Variants in VCAN observed in about 807,000 individuals in gnomAD.
VCAN encodes the protein versican.
In VCAN, 44 loss-of-function variants were observed where a neutral mutation model predicts 245.5. The ratio of observed to expected loss-of-function variants is 0.18; its 90% CI spans 0.14 to 0.23. The LOEUF is 0.23. Among genes scored for constraint, VCAN ranks in the 10% least tolerant of loss-of-function variants. The probability of loss-of-function intolerance (pLI) is 1.00; values close to 1 mark genes in which losing one functional copy is unlikely to be tolerated. For synonymous variants in VCAN, 1,413 were observed against 1,437.0 expected, an observed-to-expected ratio of 0.98 and a Z score of 0.38; for missense variants, 3,793 against 4,057.9, an observed-to-expected ratio of 0.93 and a Z score of 1.77.
chr5:83,541,328 C>T lies in VCAN; in HGVS notation c.8325C>T (p.Asp2775=), dbSNP rs1482057937. ...CAGGAGCTGAGGAGGCATTAGTAGA[C>T]CATACTCCCTATCTAAGTATTGCTA... ...FSSGAEEALV[D]HTPYLSIATT... is the part of the protein sequence containing the mutation. The change falls in exon 8 of 15, where the codon GAC becomes GAT. Residue 2775 remains aspartate, a synonymous_variant. Coordinates refer to ENST00000265077, the MANE Select transcript of VCAN (RefSeq NM_004385.5). The T allele has an allele frequency of 1.9e-6, 3 of 1,613,944 alleles. No individual in the cohort carries two copies. Among genetic ancestry groups the T allele is most frequent in the East Asian group, 4.5e-5 (2 of 44,872 alleles).
chr5:83,493,060 T>C (rs1270243295), intron 3 of VCAN, among the ~76,000 whole-genome samples: 1 of 152,238 alleles, frequency 6.6e-6, no homozygotes, highest in African/African-American at 2.4e-5. Context: ...TATCTCATTG[T>C]TTTACATTTG....
At chr5:83,508,503 T>C (rs992860212) in intron 5 of VCAN, among the ~76,000 whole-genome samples, 1 of 152,196 alleles carries the variant, frequency 6.6e-6, no homozygotes, top group Non-Finnish European at 1.5e-5. Flanking sequence ...CTCAATTCTA[T>C]AGTGTAAATG....
chr5:83,498,861 A>G (rs911832732), intron 5 of VCAN, among the ~76,000 whole-genome samples: 2 of 152,180 alleles, frequency 1.3e-5, no homozygotes, highest in African/African-American at 4.8e-5. Flanking sequence ...CACCATTGCC[A>G]TGTAATTCTC....
intron 2 of VCAN, among the ~76,000 whole-genome samples, chr5:83,486,253 A>C (rs1035909655): frequency 6.6e-6 from 1 of 152,226 alleles, no homozygotes; most frequent in Non-Finnish European, 1.5e-5. Context: ...TTTCTTCCCA[A>C]GTAGGCTACT....
In VCAN at chr5:83,538,008, A is replaced by C. The variant is rs749357523; in HGVS notation, c.5005A>C (p.Ile1669Leu). 6.2e-7 allele frequency: 1 copy of C among 1,613,964 alleles called. No individual in the cohort carries two copies. The highest frequency in any genetic ancestry group is 8.5e-7 in the Non-Finnish European group (1 of 1,179,958). ...LSQRNTTDTL[I>L]TLDTSRIITE... Reference sequence around the variant, plus strand: ...ACAGAGAAATACTACTGATACACTCATTACTTTAGACACTAGCAGGATAAT... The same window carrying C: ...ACAGAGAAATACTACTGATACACTCCTTACTTTAGACACTAGCAGGATAAT... Residue 1669 changes from isoleucine (I) to leucine (L), a missense_variant, in exon 8 of 15, where the codon ATT becomes CTT. Coordinates refer to ENST00000265077, the MANE Select transcript of VCAN (RefSeq NM_004385.5).
At chr5:83,568,820 C>T (rs374822621) in intron 12 of VCAN, among the ~76,000 whole-genome samples, 6 of 152,116 alleles carry the variant, frequency 3.9e-5, no homozygotes, top group South Asian at 2.1e-4. Flanking sequence ...AAAATATTAT[C>T]TCAGTCTCAT....
chr5:83,568,147 T>G (rs1355726712), intron 12 of VCAN, among the ~76,000 whole-genome samples: 1 of 152,128 alleles, frequency 6.6e-6, no homozygotes, highest in Admixed American at 6.5e-5. Flanking sequence ...TTTTTTTATA[T>G]TTTCTCCCTA....
At chr5:83,529,224 G>C (rs1228687830) in intron 7 of VCAN, among the ~76,000 whole-genome samples, 1 of 151,030 alleles carries the variant, frequency 6.6e-6, no homozygotes, top group Admixed American at 6.6e-5. Context: ...TATTGTGATA[G>C]AAAGAGCCTT....
At chr5:83,562,372 A>G (rs1204301223) in intron 12 of VCAN, 3 of 152,118 alleles carry the variant, frequency 2.0e-5, no homozygotes, top group Admixed American at 2.0e-4. Flanking sequence ...TAAATGTGAG[A>G]TATTATGAGT....
chr5:83,490,219 C>CAAATGG lies in VCAN; in HGVS notation c.193_198dup (p.Lys65_Trp66dup). On this transcript the variant is annotated inframe_insertion, in exon 3 of 15. Coordinates refer to ENST00000265077, the MANE Select transcript of VCAN (RefSeq NM_004385.5). ...ACAACACCAGTGAATTTCTCCGCAT[C>CAAATGG]AAATGGTCTAAGATTGAAGTGGACA... The CAAATGG allele has an allele frequency of 6.2e-7, 1 of 1,614,132 alleles. No individual in the cohort carries two copies. The highest frequency in any genetic ancestry group is 1.1e-5 in the South Asian group (1 of 91,074).
At chr5:83,505,655 G>T (rs542385132) in intron 5 of VCAN, among the ~76,000 whole-genome samples, 59 of 152,294 alleles carry the variant, frequency 3.9e-4, no homozygotes, top group African/African-American at 1.4e-3. Flanking sequence ...ACCATTCTGG[G>T]TTCTGGAAGA....
Position 83,540,842 on chromosome 5 carries a change from T to A in VCAN, c.7839T>A (p.Asn2613Lys). 6.2e-7 allele frequency: 1 copy of A among 1,614,008 alleles called. No individual in the cohort carries two copies. Among genetic ancestry groups the A allele is most frequent in the Non-Finnish European group, 8.5e-7 (1 of 1,179,964 alleles). ...SEPHDSNDES[N>K]DDSTQVQEIY... ...CACATGACAGTAATGATGAAAGTAA[T>A]GATGACAGCACTCAAGTTCAAGAGA... Residue 2613 changes from asparagine to lysine, a missense_variant, in exon 8 of 15, where the codon AAT becomes AAA. By Grantham distance (94) the Asn-to-Lys change is moderately conservative (BLOSUM62 0). Around this residue, in one of 5 missense-constraint regions of VCAN, gnomAD observed 3,182 missense variants for 3,250.3 expected, o/e 0.98. Transcript: ENST00000265077.
intron 5 of VCAN, among the ~76,000 whole-genome samples, chr5:83,494,330 TAACTCCATA>T (rs1561230417): frequency 6.6e-6 from 1 of 152,160 alleles, no homozygotes. Context: ...GCTAACTAAA[TAACTCCATA>T]AACTAGCCCA....
chr5:83,548,677 A>G (rs1435405168), intron 10 of VCAN, among the ~76,000 whole-genome samples: 1 of 152,182 alleles, frequency 6.6e-6, no homozygotes, highest in Admixed American at 6.5e-5. Context: ...CTGAGGGTGT[A>G]TTTTAGGTGG....
intron 7 of VCAN, among the ~76,000 whole-genome samples, chr5:83,529,534 A>T (rs535505714): frequency 6.6e-6 from 1 of 152,184 alleles, no homozygotes; most frequent in African/African-American, 2.4e-5. Context: ...TGCAAATACT[A>T]TGCCATTCTA....
chr5:83,519,285 A>T, intron 6 of VCAN, 64 bp from the exon 7 acceptor site: 2 of 1,567,920 alleles, frequency 1.3e-6, no homozygotes, highest in Non-Finnish European at 1.7e-6. Flanking sequence ...CACTTAACAA[A>T]CACTGGGCAT....
rs906437283 is a variant in VCAN at position 83,516,100 on chromosome 5, C to T, written c.1043-3249C>T. On this transcript the variant is annotated intron_variant, in intron 6 of 14. Transcript: ENST00000265077. ...ACAAAAAATTAGCCGGGCATGGTGG[C>T]GGGCGCCTGTAGTCCCAGTCCCTAA... Among the ~76,000 whole-genome samples the T allele has an allele frequency of 2.6e-5, 4 of 152,160 alleles. No homozygotes were observed. In the South Asian group the frequency reaches 6.2e-4, roughly 24 times the overall value.
In VCAN at chr5:83,566,763, C is replaced by G. The variant is rs114296793; in HGVS notation, c.9736-5653C>G. On this transcript the variant is annotated intron_variant, in intron 12 of 14. Coordinates refer to ENST00000265077, the MANE Select transcript of VCAN (RefSeq NM_004385.5). ...CTGGCATGCACAGAAGTCATGTGCA[C>G]TGCAGAAGACCTGCAGGATGAGTCT... Among the ~76,000 whole-genome samples the G allele has an allele frequency of 6.2e-4, 94 of 152,334 alleles. 1 individual carries two copies. Among genetic ancestry groups the G allele is most frequent in the African/African-American group, 1.6e-3 (68 of 41,576 alleles).
chr5:83,477,902 C>T (rs1359969042), intron 1 of VCAN, among the ~76,000 whole-genome samples: 1 of 151,180 alleles, frequency 6.6e-6, no homozygotes, highest in African/African-American at 2.4e-5. Flanking sequence ...TGATATGCTA[C>T]ACCATTTTTT....
Sources: gnomAD v4.1 joint callset for allele counts (sites outside exome capture counted in the v4.1 genomes callset) on GRCh38, gnomAD v4.1.1 for gene constraint, gnomAD v4.1.1 regional missense constraint, MANE v1.5 for transcripts, NCBI Gene and HGNC (gene_info 2026-07-23, HGNC 2026-07-21) for gene names.